ASB10: variants seen among roughly 807,000 people sequenced by gnomAD.
ASB10 encodes the protein ankyrin repeat and SOCS box protein 10.
Under a neutral mutation model 35.4 loss-of-function variants are expected in ASB10, and 44 were observed. The observed-to-expected ratio is 1.24, with a 90% CI of 0.98 to 1.60. The LOEUF is 1.60. Among genes scored for constraint, ASB10 ranks in the 40% most tolerant of loss-of-function variants. The pLI is 0.00. For synonymous variants in ASB10, 294 were observed against 280.4 expected (o/e 1.05, Z -0.49); for missense variants, 647 against 634.3 (o/e 1.02, Z -0.22).
In ASB10 at chr7:151,180,938, C is replaced by A; in HGVS notation, c.1104+1G>T. ...CCTCCTGCTGCCTGCAGCCCCCATA[C>A]CTTGGGGAGGGCCCCTGGCCAGACA... is the stretch of plus-strand genomic sequence containing the variant. On this transcript the variant is annotated splice_donor_variant, in intron 3 of 5. Coordinates refer to ENST00000420175, the MANE Select transcript of ASB10 (RefSeq NM_001142459.2). LOFTEE classifies it high-confidence loss of function. 2.6e-6 allele frequency: 4 copies of A among 1,523,854 alleles called. No homozygotes were observed. Among genetic ancestry groups the A allele is most frequent in the Non-Finnish European group, 3.5e-6 (4 of 1,132,744 alleles). 94.4% of individuals were successfully genotyped at this position (1,523,854 alleles called of 1,614,324 possible). A position where few individuals can be genotyped will look rare whatever the true frequency, so the allele number is the denominator to read the frequency against.
chr7:151,179,059 C>T (rs548491989), intron 3 of ASB10, among the ~76,000 whole-genome samples: 56 of 152,210 alleles, frequency 3.7e-4, no homozygotes, highest in Admixed American at 6.5e-4. Context: ...TGCTTCACTC[C>T]CATGTCCAAT....
At chr7:151,176,057 C>T in intron 5 of ASB10, 55 bp downstream of exon 5, 2 of 1,579,320 alleles carry the variant, frequency 1.3e-6, no homozygotes, top group Non-Finnish European at 1.7e-6. Context: ...CTCTTGCCTT[C>T]CACACATCCC....
chr7:151,183,551 G>A (rs1801532997), intron 2 of ASB10, among the ~76,000 whole-genome samples: 1 of 152,174 alleles, frequency 6.6e-6, no homozygotes, highest in Non-Finnish European at 1.5e-5. Context: ...GAGATTACAG[G>A]TGTGCACCAC....
intron 2 of ASB10, among the ~76,000 whole-genome samples, chr7:151,186,091 T>C (rs1408518612): frequency 6.6e-6 from 1 of 152,038 alleles, no homozygotes; most frequent in Non-Finnish European, 1.5e-5. Context: ...TTCAAAAATT[T>C]TAAGCAACAC....
chr7:151,181,428 C>T lies in ASB10; in HGVS notation c.615G>A (p.Ala205=), dbSNP rs764781841. 27 of 1,603,700 alleles carry T rather than the reference C, an allele frequency of 1.7e-5. No homozygotes were observed. Among genetic ancestry groups the T allele is most frequent in the East Asian group, 2.2e-5 (1 of 44,654 alleles). Residue 205 remains alanine, a synonymous_variant, in exon 3 of 6, where the codon GCG becomes GCA. Coordinates refer to ENST00000420175, the MANE Select transcript of ASB10 (RefSeq NM_001142459.2). The stretch of plus-strand genomic sequence containing the variant: ...CTTCCTCGGACCGACCATCCACTCT[C>T]GCTCCAAACCTGAGGAGCAGCTCCG... The part of the protein sequence containing the change: ...ECAELLLRFG[A]RVDGRSEEEE...
Position 151,186,532 on chromosome 7 carries a change from GC to G in ASB10, c.443del (p.Gly148AlafsTer88). The G allele has an allele frequency of 1.2e-6, 2 of 1,603,158 alleles. No homozygotes were observed. The highest frequency in any genetic ancestry group is 1.7e-6 in the Non-Finnish European group (2 of 1,175,562). ...RRARPDSAPGGRTALHEACAA... is the reference protein window; with the variant it reads ...RRARPDSAPGXRTALHEACAA... ...CACAGGCCTCGTGCAGGGCGGTGCG[GC>G]CCCCAGGGGCACTGTCTGGCCTTGC... On this transcript the variant is annotated frameshift_variant, in exon 2 of 6. Transcript: ENST00000420175. LOFTEE classifies it high-confidence loss of function.
chr7:151,180,584 A>G (rs1031825467), intron 3 of ASB10, among the ~76,000 whole-genome samples: 1 of 152,084 alleles, frequency 6.6e-6, no homozygotes, highest in Admixed American at 6.6e-5. Flanking sequence ...CACCACCCAC[A>G]TCAGCCCTGA....
At chr7:151,187,642 C>T (rs554240649), upstream of ASB10, 3 of 1,534,160 alleles carry the variant, frequency 2.0e-6, no homozygotes, top group South Asian at 2.4e-5. This position sits in a 1 kb window ranked among gnomAD's most constrained non-coding sequence, Gnocchi z 5.3. Context: ...AGTGGGGCCT[C>T]CAGATCCGGC....
At chr7:151,178,109 G>A (rs756972634) in intron 3 of ASB10, among the ~76,000 whole-genome samples, 67 of 152,290 alleles carry the variant, frequency 4.4e-4, no homozygotes, top group Admixed American at 8.5e-4. Flanking sequence ...TTAGCCGGGC[G>A]GTAGTGGCAT....
upstream of ASB10, chr7:151,187,646 A>C (rs1801628597): frequency 6.5e-7 from 1 of 1,533,104 alleles, no homozygotes; most frequent in South Asian, 1.2e-5. The surrounding 1 kb of genome is among the most constrained non-coding windows in gnomAD (Gnocchi z 5.3). Flanking sequence ...GGGCCTCCAG[A>C]TCCGGCAGGC....
At chr7:151,178,903 C>A (rs1348549560) in intron 3 of ASB10, among the ~76,000 whole-genome samples, 1 of 152,170 alleles carries the variant, frequency 6.6e-6, no homozygotes, top group African/African-American at 2.4e-5. Flanking sequence ...CGTCTCTGTC[C>A]TTCCTGGCCC....
intron 2 of ASB10, 107 bp from the exon 3 acceptor site, chr7:151,181,565 C>T: frequency 5.6e-6 from 8 of 1,433,620 alleles, no homozygotes; most frequent in Non-Finnish European, 7.3e-6. Flanking sequence ...CTCCATCCTG[C>T]CCATCACTGG....
intron 3 of ASB10, among the ~76,000 whole-genome samples, chr7:151,178,425 A>G (rs895388542): frequency 3.3e-5 from 5 of 152,224 alleles, no homozygotes; most frequent in African/African-American, 1.2e-4. Context: ...CCTGACAGAC[A>G]CTGGCACTAA....
intron 3 of ASB10, 70 bp from the exon 4 acceptor site, chr7:151,176,746 G>T: frequency 8.9e-7 from 1 of 1,121,786 alleles, no homozygotes. Context: ...CAGAATAGTT[G>T]TTGTGGGTTG....
At chr7:151,180,871 G>A (rs1230429076) in intron 3 of ASB10, 68 bp downstream of exon 3, 52 of 1,425,650 alleles carry the variant, frequency 3.6e-5, no homozygotes, top group South Asian at 2.0e-4. Flanking sequence ...AAAGCAAACC[G>A]GAGCACAGGC....
chr7:151,180,950 C>A lies in ASB10; in HGVS notation c.1093G>T (p.Ala365Ser). The A allele has an allele frequency of 6.5e-7, 1 of 1,540,610 alleles. No homozygotes were observed. The highest frequency in any genetic ancestry group is 8.8e-7 in the Non-Finnish European group (1 of 1,139,450). Reference sequence around the variant, plus strand: ...TGCAGCCCCCATACCTTGGGGAGGGCCCCTGGCCAGACACGGACGGCGCCA... The same window carrying A: ...TGCAGCCCCCATACCTTGGGGAGGGACCCTGGCCAGACACGGACGGCGCCA... Reference protein sequence around the residue: ...NHGAVRVWPGALPKVLERWST... With the variant: ...NHGAVRVWPGSLPKVLERWST... The change falls in exon 3 of 6, where the codon GCC (alanine) becomes TCC (serine). Residue 365 changes from alanine (A) to serine (S), a missense_variant. Physicochemically the swap from Ala to Ser is moderately conservative, Grantham distance 99. Coordinates refer to ENST00000420175, the MANE Select transcript of ASB10 (RefSeq NM_001142459.2).
chr7:151,181,547 C>G, intron 2 of ASB10, 89 bp from the exon 3 acceptor site: 1 of 1,451,902 alleles, frequency 6.9e-7, no homozygotes, highest in Non-Finnish European at 9.1e-7. Context: ...TGTCTCCCCC[C>G]ACCCACCCTC....
rs914298363 is a variant in ASB10 at position 151,175,812 on chromosome 7, G to C, written c.*155C>G. On this transcript the variant is annotated 3_prime_UTR_variant, in exon 6 of 6. Transcript: ENST00000420175. ...CAGACATCACCCGGCTGCCGCTGTC[G>C]GTCCGCTTCTCTGCATTGGGAATTG... 3 of 406,614 alleles carry C rather than the reference G, an allele frequency of 7.4e-6. No individual in the cohort carries two copies. Among genetic ancestry groups the C allele is most frequent in the East Asian group, 8.6e-5 (2 of 23,182 alleles). 25.2% of individuals were successfully genotyped at this position (406,614 alleles called of 1,614,324 possible).
Position 151,181,275 on chromosome 7 carries a change from A to T in ASB10, c.768T>A (p.Cys256Ter). 1 of 1,613,124 alleles carries T rather than the reference A, an allele frequency of 6.2e-7. No homozygotes were observed. The highest frequency in any genetic ancestry group is 8.5e-7 in the Non-Finnish European group (1 of 1,180,004). Residue 256 changes from cysteine to a stop codon, truncating the protein, a stop_gained, in exon 3 of 6, where the codon TGT becomes TGA. Coordinates refer to ENST00000420175, the MANE Select transcript of ASB10 (RefSeq NM_001142459.2). LOFTEE classifies it high-confidence loss of function. ...CGGTGATGGACTGGCAGCGGACGTC[A>T]CAGGCAGCCAGCAGTGGGGTCCAGC... ...AEGWTPLLAA[C>*]DVRCQSITDA...
Sources: gnomAD v4.1 joint callset for allele counts (sites outside exome capture counted in the v4.1 genomes callset) on GRCh38, gnomAD v4.1.1 for gene constraint, Gnocchi (gnomAD v3.1) non-coding constraint, MANE v1.5 for transcripts, NCBI Gene and HGNC (gene_info 2026-07-23, HGNC 2026-07-21) for gene names.